Variants in RTF1 observed in about 807,000 individuals in gnomAD.
RTF1 encodes RTF1 homolog, Paf1/RNA polymerase II complex component.
RTF1 carries 10 observed loss-of-function variants against 95.7 expected under a neutral mutation model. That is an observed-to-expected ratio of 0.10 (90% confidence interval 0.06 to 0.18). The LOEUF (loss-of-function observed/expected upper bound fraction) is 0.18, where lower values mean the gene tolerates loss of function less well. RTF1 is among the 10% of genes least tolerant of loss of function. RTF1 has a pLI of 1.00. For missense variants in RTF1, 458 were observed against 875.6 expected (o/e 0.52, Z 6.02); for synonymous variants, 305 against 311.8 (o/e 0.98, Z 0.23).
In RTF1 at chr15:41,474,716, C is replaced by T; in HGVS notation, c.1286+14C>T. The T allele has an allele frequency of 6.3e-7, 1 of 1,595,618 alleles. No individual in the cohort carries two copies. Among genetic ancestry groups the T allele is most frequent in the Non-Finnish European group, 8.6e-7 (1 of 1,163,140 alleles). ...GCTGCAACTACGGTAGGAGGCACTT[C>T]TGGGGTAGCTTCTGCTTCCACTTCA... On this transcript the variant is annotated intron_variant, in intron 9 of 17. Transcript: ENST00000389629.
chr15:41,442,194 GTC>G (rs1012148851), intron 2 of RTF1, among the ~76,000 whole-genome samples: 5 of 148,708 alleles, frequency 3.4e-5, no homozygotes, highest in Non-Finnish European at 5.9e-5. Context: ...TTGAGATGGA[GTC>G]TCTCTCTGTT....
At chr15:41,439,927 C>T (rs1323548587) in intron 2 of RTF1, among the ~76,000 whole-genome samples, 8 of 152,168 alleles carry the variant, frequency 5.3e-5, no homozygotes, top group African/African-American at 1.7e-4. Flanking sequence ...GCTGAGATTA[C>T]AGGCATGAGC....
intron 11 of RTF1, among the ~76,000 whole-genome samples, chr15:41,476,192 A>G (rs2050941090): frequency 6.6e-6 from 1 of 152,188 alleles, no homozygotes; most frequent in African/African-American, 2.4e-5. Flanking sequence ...GGCTAGCCTT[A>G]CACTACCAGG....
At chr15:41,431,078 G>A (rs1268367062) in intron 1 of RTF1, among the ~76,000 whole-genome samples, 1 of 151,142 alleles carries the variant, frequency 6.6e-6, no homozygotes, top group East Asian at 2.0e-4. Flanking sequence ...TAATTTTTTT[G>A]TATTTTTAGT....
intron 16 of RTF1, among the ~76,000 whole-genome samples, chr15:41,479,627 G>C (rs149664862): frequency 1.1e-3 from 175 of 152,252 alleles, no homozygotes; most frequent in African/African-American, 3.8e-3. Context: ...TTGGGAGGCG[G>C]AGGTGGGCGG....
chr15:41,474,274 C>T (rs1292176793), intron 8 of RTF1, among the ~76,000 whole-genome samples: 1 of 152,174 alleles, frequency 6.6e-6, no homozygotes, highest in Non-Finnish European at 1.5e-5. Context: ...AAATGCTTGG[C>T]AACAGAAACT....
At chr15:41,420,350 A>G (rs1006605200) in intron 1 of RTF1, among the ~76,000 whole-genome samples, 3 of 152,148 alleles carry the variant, frequency 2.0e-5, no homozygotes, top group Admixed American at 6.6e-5. Flanking sequence ...CCAGACTCTC[A>G]GAATAATCAA....
chr15:41,430,339 G>A (rs1305457791), intron 1 of RTF1, among the ~76,000 whole-genome samples: 5 of 151,688 alleles, frequency 3.3e-5, no homozygotes, highest in African/African-American at 1.2e-4. Flanking sequence ...GACTACAGGC[G>A]CGTGGCACCA....
chr15:41,469,557 T>C (rs1307234399), intron 6 of RTF1, among the ~76,000 whole-genome samples: 1 of 149,436 alleles, frequency 6.7e-6, no homozygotes, highest in Non-Finnish European at 1.5e-5. Context: ...GGAGTCTCGC[T>C]CTGTTGCCCA....
At position 41,479,141 on chromosome 15, in the gene RTF1, G is replaced by A. The variant is rs759498496; in HGVS notation, c.1857G>A (p.Gln619=). The A allele has an allele frequency of 3.7e-6, 6 of 1,614,034 alleles. No homozygotes were observed. Among genetic ancestry groups the A allele is most frequent in the African/African-American group, 2.7e-5 (2 of 75,008 alleles). The part of the protein sequence containing the change: ...DPAVQAAILA[Q]LNAKYGSGVL... ...CTGTTCAAGCTGCCATCTTGGCCCAGCTGAATGCAAAATACGGTTCTGGAG... is the reference window on the plus strand; with the variant it reads ...CTGTTCAAGCTGCCATCTTGGCCCAACTGAATGCAAAATACGGTTCTGGAG... Residue 619 remains glutamine, a synonymous_variant, in exon 16 of 18, where the codon CAG becomes CAA. Transcript: ENST00000389629.
intron 6 of RTF1, among the ~76,000 whole-genome samples, chr15:41,466,590 CTT>C (rs778803540): frequency 1.2e-4 from 19 of 152,120 alleles, no homozygotes; most frequent in African/African-American, 2.4e-5. Context: ...ACAATGAACT[CTT>C]TGTCAAATAT....
chr15:41,424,050 G>A (rs935081830), intron 1 of RTF1, among the ~76,000 whole-genome samples: 6 of 152,144 alleles, frequency 3.9e-5, no homozygotes, highest in Non-Finnish European at 7.3e-5. Context: ...CACCGCATCC[G>A]GCCTGATTGT....
At chr15:41,446,775 A>G (rs1012634991) in intron 2 of RTF1, among the ~76,000 whole-genome samples, 3 of 150,688 alleles carry the variant, frequency 2.0e-5, no homozygotes, top group Admixed American at 2.0e-4. Context: ...CCCTAATCCC[A>G]GTGTAGTTTG....
intron 1 of RTF1, among the ~76,000 whole-genome samples, chr15:41,428,390 C>A (rs2050649757): frequency 1.3e-5 from 2 of 148,860 alleles, no homozygotes; most frequent in Non-Finnish European, 3.0e-5. Flanking sequence ...GCCTCAGCCT[C>A]CCGAGTAGCT....
rs1406195250 is a variant in RTF1 at position 41,470,321 on chromosome 15, G to A, written c.954G>A (p.Glu318=). The change falls in exon 7 of 18, where the codon GAG becomes GAA. Residue 318 remains glutamate, a synonymous_variant. Transcript: ENST00000389629. ...AGGTCTACTCTGATGATGAAGAGGAGGAAGAGGATGACAAATCCAGTGAAA... is the reference window on the plus strand; with the variant it reads ...AGGTCTACTCTGATGATGAAGAGGAAGAAGAGGATGACAAATCCAGTGAAA... ...TSEVYSDDEE[E]EEDDKSSEKS... is the part of the protein sequence containing the mutation. 1 of 1,614,014 alleles carries A rather than the reference G, an allele frequency of 6.2e-7. No individual in the cohort carries two copies. Among genetic ancestry groups the A allele is most frequent in the African/African-American group, 1.3e-5 (1 of 74,922 alleles).
chr15:41,457,012 G>A (rs75448947), intron 3 of RTF1, among the ~76,000 whole-genome samples: 2,423 of 152,060 alleles, frequency 0.016, 74 homozygotes, highest in African/African-American at 0.056. Flanking sequence ...TGTGAACCAG[G>A]GAGGTGGAAG....
chr15:41,428,142 A>G (rs1160638684), intron 1 of RTF1, among the ~76,000 whole-genome samples: 7 of 151,212 alleles, frequency 4.6e-5, no homozygotes, highest in African/African-American at 7.3e-5. Context: ...GTGTCACCCA[A>G]GCTACATGGT....
intron 1 of RTF1, among the ~76,000 whole-genome samples, chr15:41,435,168 A>G (rs2050695566): frequency 6.6e-6 from 1 of 152,078 alleles, no homozygotes; most frequent in African/African-American, 2.4e-5. Flanking sequence ...ATTGGTATCA[A>G]AACAGGAGTA....
At chr15:41,478,379 C>T (rs577532676) in intron 14 of RTF1, 169 bp from the exon 15 acceptor site, 26 of 591,410 alleles carry the variant, frequency 4.4e-5, no homozygotes, top group African/African-American at 2.2e-4. Flanking sequence ...TCAGCCTAGG[C>T]GACAGGGCGA....
Sources: gnomAD v4.1 joint callset for allele counts (sites outside exome capture counted in the v4.1 genomes callset) on GRCh38, gnomAD v4.1.1 for gene constraint, MANE v1.5 for transcripts, NCBI Gene and HGNC (gene_info 2026-07-23, HGNC 2026-07-21) for gene names.